Variants in DOCK3 observed in about 807,000 individuals in gnomAD.
DOCK3 encodes the protein dedicator of cytokinesis 3.
In DOCK3, 60 loss-of-function variants were observed where a neutral mutation model predicts 265.6. The ratio of observed to expected loss-of-function variants is 0.23; its 90% CI spans 0.18 to 0.28. DOCK3 has a LOEUF of 0.28. DOCK3 is among the 10% of genes least tolerant of loss of function. The pLI is 1.00. For missense variants in DOCK3, 1,981 were observed against 2,594.3 expected (o/e 0.76, Z 5.14); for synonymous variants, 881 against 938.0 (o/e 0.94, Z 1.11).
chr3:51,320,119 C>T (rs2083607237), intron 32 of DOCK3, among the ~76,000 whole-genome samples: 1 of 152,140 alleles, frequency 6.6e-6, no homozygotes, highest in Non-Finnish European at 1.5e-5. Context: ...GCTGAGGTAC[C>T]CAGCTCATCT....
intron 31 of DOCK3, 26 bp downstream of exon 31, chr3:51,312,928 C>T: frequency 1.3e-6 from 2 of 1,582,074 alleles, no homozygotes; most frequent in Non-Finnish European, 1.7e-6. Flanking sequence ...CTATTCTTCC[C>T]TTCTATATAT....
At chr3:51,195,673 C>T (rs1180387679) in intron 12 of DOCK3, among the ~76,000 whole-genome samples, 2 of 152,152 alleles carry the variant, frequency 1.3e-5, no homozygotes, top group Non-Finnish European at 2.9e-5. Flanking sequence ...CCGCCTCGGC[C>T]TCCCAAAGTT....
At chr3:50,789,979 C>T (rs1349503304) in intron 2 of DOCK3, among the ~76,000 whole-genome samples, 1 of 152,190 alleles carries the variant, frequency 6.6e-6, no homozygotes, top group African/African-American at 2.4e-5. Context: ...AGTATCTGCC[C>T]ACCTCGGCTT....
chr3:51,234,250 G>C (rs139950349), intron 19 of DOCK3, among the ~76,000 whole-genome samples: 173 of 152,298 alleles, frequency 1.1e-3, no homozygotes, highest in Admixed American at 3.8e-3. Context: ...TAGTGATGAT[G>C]AGCATTTTTT....
intron 2 of DOCK3, among the ~76,000 whole-genome samples, chr3:50,811,626 A>G (rs2043763700): frequency 6.6e-6 from 1 of 152,192 alleles, no homozygotes. Context: ...TTAGATGTGC[A>G]TATCCTATGA....
At chr3:51,227,177 G>A (rs1459929033) in intron 15 of DOCK3, 106 bp from the exon 16 acceptor site, 2 of 1,356,776 alleles carry the variant, frequency 1.5e-6, no homozygotes, top group East Asian at 4.6e-5. Flanking sequence ...TTTGCTTAGA[G>A]CAAAAATGAG....
At chr3:51,063,133 A>G (rs1303170599) in intron 5 of DOCK3, among the ~76,000 whole-genome samples, 2 of 152,168 alleles carry the variant, frequency 1.3e-5, no homozygotes, top group Non-Finnish European at 2.9e-5. Flanking sequence ...CTCTAATCCC[A>G]GCACTTTAGG....
intron 5 of DOCK3, among the ~76,000 whole-genome samples, chr3:50,961,079 A>G (rs973569547): frequency 6.6e-6 from 1 of 152,144 alleles, no homozygotes; most frequent in African/African-American, 2.4e-5. Context: ...TGATTACTGT[A>G]GTTTTGTAGG....
chr3:51,221,670 A>G (rs1487539099), intron 14 of DOCK3, among the ~76,000 whole-genome samples: 5 of 152,184 alleles, frequency 3.3e-5, no homozygotes, highest in African/African-American at 4.8e-5. Context: ...GTTCCACTTC[A>G]TTCAAGAAAT....
At chr3:50,764,270 A>G (rs1270551037) in intron 1 of DOCK3, among the ~76,000 whole-genome samples, 2 of 152,204 alleles carry the variant, frequency 1.3e-5, no homozygotes, top group Non-Finnish European at 2.9e-5. Flanking sequence ...GCTGTATACA[A>G]TTGGCCCTTC....
At chr3:51,093,642 C>T (rs985725284) in intron 9 of DOCK3, among the ~76,000 whole-genome samples, 1 of 152,204 alleles carries the variant, frequency 6.6e-6, no homozygotes, top group Non-Finnish European at 1.5e-5. Flanking sequence ...GACAATTTGA[C>T]TTCCTCTCTT....
At chr3:51,378,795 G>A (rs1553617353) in intron 51 of DOCK3, among the ~76,000 whole-genome samples, 2 of 152,176 alleles carry the variant, frequency 1.3e-5, no homozygotes, top group Non-Finnish European at 2.9e-5. Flanking sequence ...CAGTATTCTG[G>A]CAGTGGACTC....
chr3:51,301,597 G>A (rs962051465), intron 27 of DOCK3, among the ~76,000 whole-genome samples: 1 of 152,038 alleles, frequency 6.6e-6, no homozygotes, highest in East Asian at 1.9e-4. Context: ...CAGAGATTCT[G>A]GTACATTATT....
At chr3:51,367,165 G>A (rs1307165996) in intron 49 of DOCK3, among the ~76,000 whole-genome samples, 1 of 152,156 alleles carries the variant, frequency 6.6e-6, no homozygotes, top group Non-Finnish European at 1.5e-5. Context: ...TTATGAATCT[G>A]GGTGCTCCTG....
chr3:51,151,548 C>T (rs1376647344), intron 10 of DOCK3, among the ~76,000 whole-genome samples: 1 of 152,146 alleles, frequency 6.6e-6, no homozygotes, highest in Non-Finnish European at 1.5e-5. Flanking sequence ...TTGATGTTAG[C>T]TGGTTATGTT....
At chr3:50,787,972 C>T in intron 2 of DOCK3, 2 of 874,034 alleles carry the variant, frequency 2.3e-6, no homozygotes, top group Non-Finnish European at 3.8e-6. Flanking sequence ...CTTCCTCCTC[C>T]TCTTCTGTGT....
rs1371811123 is a variant in DOCK3, at chr3:50,905,601, C to T, written c.218+15520C>T. Among the ~76,000 whole-genome samples the T allele has an allele frequency of 5.9e-5, 9 of 152,022 alleles. 1 individual carries two copies. The highest frequency in any genetic ancestry group is 1.3e-4 in the Admixed American group (2 of 15,268). ...TGTAGAGGAATGCTTGTGATTTTTGCACATTGATTTTGTATCCTGAGACTT... is the reference window on the plus strand; with the variant it reads ...TGTAGAGGAATGCTTGTGATTTTTGTACATTGATTTTGTATCCTGAGACTT... On this transcript the variant is annotated intron_variant, in intron 4 of 52. Coordinates refer to ENST00000266037, the MANE Select transcript of DOCK3 (RefSeq NM_004947.5).
chr3:51,199,196 G>A (rs1243000917), intron 12 of DOCK3, among the ~76,000 whole-genome samples: 3 of 152,212 alleles, frequency 2.0e-5, no homozygotes, highest in African/African-American at 7.2e-5. Context: ...GCAGGTCAGT[G>A]GGTGCAGCAC....
intron 27 of DOCK3, among the ~76,000 whole-genome samples, chr3:51,288,366 T>C (rs975865256): frequency 7.6e-6 from 1 of 132,122 alleles, no homozygotes. Flanking sequence ...CCCTCCAGCC[T>C]AGGTGACAAA....
Sources: allele counts gnomAD v4.1 joint callset (sites outside exome capture counted in the v4.1 genomes callset), GRCh38; gene constraint gnomAD v4.1.1; transcripts MANE v1.5; gene names NCBI Gene and HGNC (gene_info 2026-07-23, HGNC 2026-07-21).